The following THSD7B variants were observed in gnomAD, a reference collection of about 807,000 sequenced individuals.
The protein encoded by THSD7B is thrombospondin type 1 domain containing 7B.
In THSD7B, 138 loss-of-function variants were observed where a neutral mutation model predicts 213.6. The ratio of observed to expected loss-of-function variants is 0.65; its 90% CI spans 0.56 to 0.74. The LOEUF (loss-of-function observed/expected upper bound fraction) is 0.74, where lower values mean the gene tolerates loss of function less well. Ranked by LOEUF, THSD7B falls within the 30% of genes least tolerant of loss-of-function variation. The pLI is 0.00. For synonymous variants in THSD7B, 742 were observed against 687.0 expected, an observed-to-expected ratio of 1.08 and a Z score of -1.25; for missense variants, 1,931 against 1,991.5, an observed-to-expected ratio of 0.97 and a Z score of 0.58.
chr2:137,337,928 T>A (rs568798033), intron 12 of THSD7B, among the ~76,000 whole-genome samples: 7 of 152,192 alleles, frequency 4.6e-5, no homozygotes, highest in African/African-American at 1.7e-4. Context: ...TAATTTTTTT[T>A]AAGAGGAAAA....
At chr2:136,821,470 C>G (rs1244909627) in intron 1 of THSD7B, among the ~76,000 whole-genome samples, 1 of 152,188 alleles carries the variant, frequency 6.6e-6, no homozygotes, top group South Asian at 2.1e-4. Context: ...CTTCCCCTTC[C>G]CTCTCTCTCC....
In THSD7B at chr2:137,129,716, C is replaced by CG. The variant is rs61448642; in HGVS notation, c.1369+14426dup. On this transcript the variant is annotated intron_variant, in intron 5 of 27. Transcript: ENST00000409968. ...TCAACCTCCCAAAATGCTGGGATTA[C>CG]GGGCATGAGCTACCACACCTGACCT... 4.2e-3 allele frequency among the ~76,000 whole-genome samples: 643 copies of CG among 152,278 alleles called. 3 individuals carry two copies. The highest frequency in any genetic ancestry group is 0.015 in the African/African-American group (617 of 41,566).
At chr2:137,163,543 C>T (rs141972574) in intron 6 of THSD7B, among the ~76,000 whole-genome samples, 135 of 152,228 alleles carry the variant, frequency 8.9e-4, no homozygotes, top group African/African-American at 3.3e-3. Context: ...CAAGGAGCAC[C>T]GTGGAGAACC....
chr2:137,130,038 G>T (rs1688700763), intron 5 of THSD7B, among the ~76,000 whole-genome samples: 1 of 152,116 alleles, frequency 6.6e-6, no homozygotes, highest in Admixed American at 6.5e-5. Context: ...AATTGTCAAT[G>T]CCAGGAAAAA....
intron 7 of THSD7B, among the ~76,000 whole-genome samples, chr2:137,209,139 G>T (rs1461437425): frequency 6.6e-6 from 1 of 152,062 alleles, no homozygotes; most frequent in African/African-American, 2.4e-5. Context: ...CAGCTTGGAG[G>T]TTAGAAGCAA....
At chr2:136,948,040 A>G (rs1684973721) in intron 2 of THSD7B, among the ~76,000 whole-genome samples, 2 of 152,196 alleles carry the variant, frequency 1.3e-5, no homozygotes. Flanking sequence ...TTACATGACC[A>G]TCTTCATCTT....
At chr2:136,851,351 C>A (rs1163256569) in intron 1 of THSD7B, among the ~76,000 whole-genome samples, 1 of 152,068 alleles carries the variant, frequency 6.6e-6, no homozygotes, top group Admixed American at 6.6e-5. Context: ...TTCCACTCCC[C>A]ATGTCTCTTA....
At chr2:137,110,924 T>C (rs1411223243) in intron 4 of THSD7B, among the ~76,000 whole-genome samples, 1 of 152,232 alleles carries the variant, frequency 6.6e-6, no homozygotes, top group Non-Finnish European at 1.5e-5. Flanking sequence ...TAAATTGACA[T>C]GCTGTACAGG....
At chr2:137,442,848 GA>G (rs1201998180) in intron 14 of THSD7B, among the ~76,000 whole-genome samples, 1 of 152,116 alleles carries the variant, frequency 6.6e-6, no homozygotes, top group East Asian at 1.9e-4. Context: ...AGTTTAAGGT[GA>G]AATTCTCTCA....
At chr2:137,243,842 C>T (rs1681966959) in intron 10 of THSD7B, among the ~76,000 whole-genome samples, 1 of 152,152 alleles carries the variant, frequency 6.6e-6, no homozygotes, top group African/African-American at 2.4e-5. Context: ...TCATTTGTCA[C>T]AGAATTAATA....
intron 20 of THSD7B, among the ~76,000 whole-genome samples, chr2:137,642,066 T>C (rs1558868967): frequency 6.6e-6 from 1 of 152,170 alleles, no homozygotes; most frequent in African/African-American, 2.4e-5. Context: ...ATATTTGTAA[T>C]CCTGGCTTAA....
intron 14 of THSD7B, among the ~76,000 whole-genome samples, chr2:137,415,664 G>GTTTT (rs10563702): frequency 3.5e-4 from 28 of 80,116 alleles, no homozygotes; most frequent in East Asian, 9.7e-4. Flanking sequence ...TTATATCAGT[G>GTTTT]TTTTTTTTTT....
intron 12 of THSD7B, among the ~76,000 whole-genome samples, chr2:137,315,370 G>A (rs921256307): frequency 9.2e-5 from 14 of 152,092 alleles, no homozygotes; most frequent in African/African-American, 3.1e-4. Flanking sequence ...TTCGGCTCAT[G>A]CACAGTGCGC....
At chr2:137,670,831 G>T (rs984160189) in intron 27 of THSD7B, among the ~76,000 whole-genome samples, 3 of 150,896 alleles carry the variant, frequency 2.0e-5, no homozygotes, top group Non-Finnish European at 2.9e-5. Context: ...TGAGGCAGGA[G>T]AATGGTGTGA....
chr2:136,961,469 C>G (rs1327764328), intron 2 of THSD7B, among the ~76,000 whole-genome samples: 1 of 152,030 alleles, frequency 6.6e-6, no homozygotes, highest in South Asian at 2.1e-4. Context: ...ATCTGCCTGC[C>G]TCAGCCTTCC....
chr2:137,341,984 G>C (rs542870839), intron 12 of THSD7B, among the ~76,000 whole-genome samples: 2 of 151,234 alleles, frequency 1.3e-5, no homozygotes, highest in East Asian at 1.9e-4. Flanking sequence ...TGTTGTTGTT[G>C]TTGCTCCATA....
intron 2 of THSD7B, among the ~76,000 whole-genome samples, chr2:136,975,044 GT>G (rs144154932): frequency 0.48 from 64,429 of 134,666 alleles, 14,588 homozygotes; most frequent in East Asian, 0.8. Flanking sequence ...TTAATGGTTT[GT>G]TTTTTTTTTT....
At chr2:137,473,093 G>GTTTT (rs772865121) in intron 15 of THSD7B, among the ~76,000 whole-genome samples, 4 of 132,946 alleles carry the variant, frequency 3.0e-5, no homozygotes, top group Non-Finnish European at 3.3e-5. Context: ...ACTATTAATT[G>GTTTT]TTTTTTTTTT....
At chr2:137,374,983 T>G (rs564281538) in intron 12 of THSD7B, among the ~76,000 whole-genome samples, 1 of 152,318 alleles carries the variant, frequency 6.6e-6, no homozygotes, top group East Asian at 1.9e-4. Context: ...GTCATGGAAC[T>G]CTTTGGTTGA....
Sources: gnomAD v4.1 joint callset for allele counts (sites outside exome capture counted in the v4.1 genomes callset) on GRCh38, gnomAD v4.1.1 for gene constraint, MANE v1.5 for transcripts, NCBI Gene and HGNC (gene_info 2026-07-23, HGNC 2026-07-21) for gene names.